The following PDE4B variants were observed in gnomAD, a reference collection of about 807,000 sequenced individuals.
PDE4B encodes phosphodiesterase 4B, also known as 3',5'-cyclic-AMP phosphodiesterase 4B.
PDE4B carries 20 observed loss-of-function variants against 82.2 expected under a neutral mutation model. The observed-to-expected ratio is 0.24, with a 90% CI of 0.17 to 0.35. The LOEUF (loss-of-function observed/expected upper bound fraction) is 0.35, where lower values mean the gene tolerates loss of function less well. PDE4B is among the 10% of genes least tolerant of loss of function. PDE4B has a pLI of 1.00. For missense variants in PDE4B, 655 were observed against 907.2 expected (o/e 0.72, Z 3.57); for synonymous variants, 320 against 318.9 (o/e 1.00, Z -0.04).
chr1:66,019,030 T>A (rs1442402249), intron 3 of PDE4B, among the ~76,000 whole-genome samples: 1 of 152,232 alleles, frequency 6.6e-6, no homozygotes, highest in Non-Finnish European at 1.5e-5. Flanking sequence ...ATAGAGTTCT[T>A]ACTTACCGTT....
intron 1 of PDE4B, among the ~76,000 whole-genome samples, chr1:65,821,305 G>GT (rs1645949935): frequency 6.6e-6 from 1 of 152,336 alleles, no homozygotes; most frequent in Admixed American, 6.5e-5. Flanking sequence ...TTCCAATGCT[G>GT]TTAAGTACAA....
At chr1:66,204,196 G>A (rs894978459) in intron 3 of PDE4B, among the ~76,000 whole-genome samples, 9 of 152,208 alleles carry the variant, frequency 5.9e-5, no homozygotes, top group African/African-American at 1.7e-4. Flanking sequence ...CTGCCTGATG[G>A]GTCCTCTGGA....
chr1:65,892,917 C>A (rs1048703674), intron 1 of PDE4B, among the ~76,000 whole-genome samples: 2 of 151,880 alleles, frequency 1.3e-5, no homozygotes, highest in Non-Finnish European at 2.9e-5. Flanking sequence ...AGTATTTTCA[C>A]AAATTTTCAT....
chr1:66,029,588 G>A (rs35833618), intron 3 of PDE4B, among the ~76,000 whole-genome samples: 33,219 of 151,912 alleles, frequency 0.22, 4,148 homozygotes, highest in Middle Eastern at 0.36. Flanking sequence ...TTTTTCTTAA[G>A]CTAAAATAGA....
chr1:66,084,512 C>G (rs1363159970), intron 3 of PDE4B, among the ~76,000 whole-genome samples: 3 of 152,100 alleles, frequency 2.0e-5, no homozygotes, highest in Non-Finnish European at 4.4e-5. Context: ...CCAATGACAT[C>G]ATAGCAACAA....
chr1:65,885,632 G>A (rs1404885392), intron 1 of PDE4B, among the ~76,000 whole-genome samples: 2 of 151,674 alleles, frequency 1.3e-5, no homozygotes, highest in Non-Finnish European at 2.9e-5. Context: ...AACACCACAT[G>A]TTCTCACTCA....
At chr1:66,316,535 A>C (rs1659039695) in intron 7 of PDE4B, among the ~76,000 whole-genome samples, 1 of 152,250 alleles carries the variant, frequency 6.6e-6, no homozygotes, top group South Asian at 2.1e-4. Flanking sequence ...AGTGACATGC[A>C]AAACATTTAC....
intron 3 of PDE4B, among the ~76,000 whole-genome samples, chr1:66,130,029 C>A (rs978245471): frequency 6.6e-6 from 1 of 152,158 alleles, no homozygotes; most frequent in Non-Finnish European, 1.5e-5. Flanking sequence ...TCAGCCTAAC[C>A]CTAATTCTAC....
At chr1:66,334,465 A>T (rs569220273) in intron 8 of PDE4B, among the ~76,000 whole-genome samples, 5 of 152,242 alleles carry the variant, frequency 3.3e-5, no homozygotes, top group Non-Finnish European at 5.9e-5. Flanking sequence ...CACTCTGTAG[A>T]CACGGGTGAG....
At chr1:66,172,437 A>C (rs1646855038) in intron 3 of PDE4B, among the ~76,000 whole-genome samples, 1 of 152,184 alleles carries the variant, frequency 6.6e-6, no homozygotes, top group African/African-American at 2.4e-5. Flanking sequence ...TTTTTGGTAG[A>C]ACAATTTATT....
At chr1:66,264,201 G>T (rs1654878095) in intron 6 of PDE4B, among the ~76,000 whole-genome samples, 1 of 152,220 alleles carries the variant, frequency 6.6e-6, no homozygotes. Flanking sequence ...CAGGCAATGA[G>T]GAATTATGAG....
At chr1:66,130,671 A>T (rs1228201135) in intron 3 of PDE4B, among the ~76,000 whole-genome samples, 1 of 152,176 alleles carries the variant, frequency 6.6e-6, no homozygotes, top group African/African-American at 2.4e-5. Context: ...TGACTGATTT[A>T]TGTAGGCTAT....
chr1:66,027,843 G>A (rs890564231), intron 3 of PDE4B, among the ~76,000 whole-genome samples: 6 of 152,224 alleles, frequency 3.9e-5, no homozygotes, highest in African/African-American at 1.4e-4. Context: ...GGTTCCCATG[G>A]TCTTGGGCAG....
At chr1:66,020,631 C>A (rs959785367) in intron 3 of PDE4B, among the ~76,000 whole-genome samples, 8 of 152,194 alleles carry the variant, frequency 5.3e-5, no homozygotes, top group African/African-American at 1.9e-4. Context: ...CATGTCCCTA[C>A]AAAGGAGATG....
At chr1:66,255,452 A>G (rs1445392217) in intron 4 of PDE4B, among the ~76,000 whole-genome samples, 2 of 152,206 alleles carry the variant, frequency 1.3e-5, no homozygotes, top group African/African-American at 4.8e-5. Flanking sequence ...TGTCCATAAT[A>G]TGAGCGTGGG....
At chr1:66,230,322 C>T (rs565060862) in intron 3 of PDE4B, among the ~76,000 whole-genome samples, 1 of 152,154 alleles carries the variant, frequency 6.6e-6, no homozygotes, top group Non-Finnish European at 1.5e-5. Context: ...CATGGTGGCA[C>T]ATAAGCTTTG....
At chr1:66,032,735 A>G (rs1404426527) in intron 3 of PDE4B, among the ~76,000 whole-genome samples, 4 of 150,500 alleles carry the variant, frequency 2.7e-5, no homozygotes, top group Non-Finnish European at 5.9e-5. Context: ...AGCTCACTGC[A>G]AGCTCCGCCT....
At position 65,978,461 on chromosome 1, in the gene PDE4B, T is replaced by C. The variant is rs895570525; in HGVS notation, c.281+59626T>C. ...GCCTGAAGGAATTTCTCAAGGATGATGAAGAACCTGGCTTAGGTTTGATCT... is the reference window on the plus strand; with the variant it reads ...GCCTGAAGGAATTTCTCAAGGATGACGAAGAACCTGGCTTAGGTTTGATCT... On this transcript the variant is annotated intron_variant, in intron 3 of 16. Transcript: ENST00000341517. Among the ~76,000 whole-genome samples the C allele has an allele frequency of 2.0e-5, 3 of 152,194 alleles. No individual in the cohort carries two copies. The East Asian group carries it at 5.8e-4, about 29-fold the overall frequency.
At chr1:65,903,471 T>C (rs1646994323) in intron 1 of PDE4B, among the ~76,000 whole-genome samples, 2 of 151,994 alleles carry the variant, frequency 1.3e-5, no homozygotes, top group African/African-American at 4.8e-5. Flanking sequence ...TGTGCATCTG[T>C]AGTCCCTGCT....
Sources: allele counts gnomAD v4.1 joint callset (sites outside exome capture counted in the v4.1 genomes callset), GRCh38; gene constraint gnomAD v4.1.1; transcripts MANE v1.5; gene names NCBI Gene and HGNC (gene_info 2026-07-23, HGNC 2026-07-21).